The following GALNT13 variants were observed in gnomAD, a reference collection of about 807,000 sequenced individuals.
The protein encoded by GALNT13 is UDP-GalNAc:polypeptide N-acetylgalactosaminyltransferase 13.
In GALNT13, 28 loss-of-function variants were observed where a neutral mutation model predicts 64.2. The observed-to-expected ratio is 0.44, with a 90% CI of 0.32 to 0.60. GALNT13 has a LOEUF of 0.60. Among genes scored for constraint, GALNT13 ranks in the 20% least tolerant of loss-of-function variants. The pLI is 0.05. For synonymous variants in GALNT13, 214 were observed against 224.6 expected, an observed-to-expected ratio of 0.95 and a Z score of 0.42; for missense variants, 577 against 669.8, an observed-to-expected ratio of 0.86 and a Z score of 1.53.
chr2:154,141,278 ATTTC>A (rs1683243040), intron 4 of GALNT13, among the ~76,000 whole-genome samples: 1 of 152,118 alleles, frequency 6.6e-6, no homozygotes, highest in Non-Finnish European at 1.5e-5. Flanking sequence ...TCTTTTTAAA[ATTTC>A]TTTCTTCAGT....
chr2:153,083,761 C>G, the GALNT13 span, among the ~76,000 whole-genome samples: 13,124 of 152,154 alleles, frequency 0.086, 692 homozygotes, highest in Non-Finnish European at 0.12. Context: ...ATCTATTTAC[C>G]TTTGTTTTTG....
chr2:153,117,020 C>T, the GALNT13 span, among the ~76,000 whole-genome samples: 5 of 151,714 alleles, frequency 3.3e-5, no homozygotes, highest in African/African-American at 1.2e-4. Context: ...AGGATGGTCT[C>T]GATCTCCTGA....
intron 9 of GALNT13, among the ~76,000 whole-genome samples, chr2:154,332,975 T>C (rs1376283198): frequency 6.6e-6 from 1 of 152,112 alleles, no homozygotes; most frequent in Non-Finnish European, 1.5e-5. Flanking sequence ...TTCCTAATTT[T>C]TCCTAAGTAG....
chr2:153,272,658 G>T, the GALNT13 span, among the ~76,000 whole-genome samples: 3 of 152,172 alleles, frequency 2.0e-5, no homozygotes, highest in African/African-American at 7.2e-5. Context: ...CTTTTACACT[G>T]TGGGTGGGAG....
intron 4 of GALNT13, among the ~76,000 whole-genome samples, chr2:154,233,447 A>G (rs1174206294): frequency 6.6e-6 from 1 of 152,194 alleles, no homozygotes; most frequent in Admixed American, 6.6e-5. Flanking sequence ...TACCCTCCTG[A>G]GAATGAGGCT....
chr2:154,275,318 C>T (rs1308887071), intron 8 of GALNT13, among the ~76,000 whole-genome samples: 1 of 152,108 alleles, frequency 6.6e-6, no homozygotes. Context: ...CTTCCCATCA[C>T]AGGCCTGGAG....
chr2:153,417,701 C>T, the GALNT13 span, among the ~76,000 whole-genome samples: 1 of 151,994 alleles, frequency 6.6e-6, no homozygotes, highest in Admixed American at 6.6e-5. Flanking sequence ...TTTTCGGATA[C>T]AAGACAAATG....
At chr2:153,889,552 C>T (rs927450429) in intron 1 of GALNT13, among the ~76,000 whole-genome samples, 2 of 151,918 alleles carry the variant, frequency 1.3e-5, no homozygotes, top group African/African-American at 4.8e-5. Context: ...TGATTTTAAT[C>T]ATGTTGTATT....
At chr2:153,545,401 C>G in the GALNT13 span, among the ~76,000 whole-genome samples, 4 of 152,176 alleles carry the variant, frequency 2.6e-5, no homozygotes, top group East Asian at 1.9e-4. Flanking sequence ...CTCAGTCACA[C>G]AGCATACTCA....
the GALNT13 span, among the ~76,000 whole-genome samples, chr2:153,784,382 G>C: frequency 2.0e-5 from 3 of 152,176 alleles, no homozygotes; most frequent in African/African-American, 7.2e-5. Flanking sequence ...GATGATTTAT[G>C]GTATCTGGCA....
At chr2:154,153,503 C>A (rs565817327) in intron 4 of GALNT13, among the ~76,000 whole-genome samples, 1 of 152,316 alleles carries the variant, frequency 6.6e-6, no homozygotes, top group South Asian at 2.1e-4. Context: ...TTACTGGTGT[C>A]TTTTTGTTTG....
the GALNT13 span, among the ~76,000 whole-genome samples, chr2:153,670,581 G>T: frequency 1.3e-5 from 2 of 152,132 alleles, no homozygotes; most frequent in Non-Finnish European, 2.9e-5. Flanking sequence ...AGATAAAACC[G>T]CAAAGATGGA....
chr2:153,862,567 C>T, the GALNT13 span, among the ~76,000 whole-genome samples: 2 of 152,048 alleles, frequency 1.3e-5, no homozygotes, highest in Non-Finnish European at 2.9e-5. Context: ...ATATTTCTTT[C>T]CTAACACTCA....
chr2:153,456,551 T>C, the GALNT13 span, among the ~76,000 whole-genome samples: 43 of 152,318 alleles, frequency 2.8e-4, no homozygotes, highest in African/African-American at 1.0e-3. Context: ...GATATCCATT[T>C]GTGTGTACTG....
At chr2:153,813,211 A>G in the GALNT13 span, among the ~76,000 whole-genome samples, 1 of 152,176 alleles carries the variant, frequency 6.6e-6, no homozygotes. Flanking sequence ...AGCTAATATT[A>G]CTGAGGTGGA....
chr2:153,723,630 A>G, the GALNT13 span, among the ~76,000 whole-genome samples: 2 of 152,138 alleles, frequency 1.3e-5, no homozygotes, highest in African/African-American at 2.4e-5. Flanking sequence ...ATCAATGTAC[A>G]AAAATCACAA....
the GALNT13 span, among the ~76,000 whole-genome samples, chr2:153,631,589 G>GT: frequency 6.6e-6 from 1 of 152,084 alleles, no homozygotes; most frequent in South Asian, 2.1e-4. Context: ...TCATGTATCT[G>GT]TTGGCTGCAT....
At position 153,978,720 on chromosome 2, in the gene GALNT13, TG is replaced by T. The variant is rs549265004; in HGVS notation, c.142+34084del. Reference sequence around the variant, plus strand: ...TTAAACCTCTTTTTCTTCCCAGTTTTGGGTATGTCTTTATCAGCAGCATGAA... The same window carrying T: ...TTAAACCTCTTTTTCTTCCCAGTTTTGGTATGTCTTTATCAGCAGCATGAA... On this transcript the variant is annotated intron_variant, in intron 3 of 12. Coordinates refer to ENST00000392825, the MANE Select transcript of GALNT13 (RefSeq NM_052917.4). Among the ~76,000 whole-genome samples the T allele has an allele frequency of 1.2e-4, 18 of 152,306 alleles. No individual in the cohort carries two copies. In the East Asian group the frequency reaches 3.5e-3, roughly 29 times the overall value.
the GALNT13 span, chr2:153,762,559 CCA>C: frequency 5.4e-6 from 1 of 184,794 alleles, no homozygotes; most frequent in Non-Finnish European, 1.2e-5. Context: ...TACTTCAAGG[CCA>C]GTTTCCTATA....
Sources: gnomAD v4.1 joint callset for allele counts (sites outside exome capture counted in the v4.1 genomes callset) on GRCh38, gnomAD v4.1.1 for gene constraint, MANE v1.5 for transcripts, NCBI Gene and HGNC (gene_info 2026-07-23, HGNC 2026-07-21) for gene names.